GDAP1: variants seen among roughly 807,000 people sequenced by gnomAD.
GDAP1 encodes ganglioside induced differentiation associated protein 1, also known as ganglioside-induced differentiation-associated protein 1.
GDAP1 carries 34 observed loss-of-function variants against 40.1 expected under a neutral mutation model. The ratio of observed to expected loss-of-function variants is 0.85; its 90% confidence interval spans 0.64 to 1.13. The LOEUF is 1.13. Among genes scored for constraint, GDAP1 ranks in the 50% most tolerant of loss-of-function variants. GDAP1 has a pLI of 0.00. For synonymous variants in GDAP1, 170 were observed against 157.4 expected (o/e 1.08, Z -0.60); for missense variants, 374 against 433.7 (o/e 0.86, Z 1.22).
intron 2 of GDAP1, among the ~76,000 whole-genome samples, chr8:74,392,847 G>A (rs1023172820): frequency 6.6e-6 from 1 of 152,180 alleles, no homozygotes; most frequent in African/African-American, 2.4e-5. Context: ...AGGACAGAAG[G>A]AGCCGTGTAT....
At chr8:74,483,701 GTAT>G (rs1806741298) in intron 2 of GDAP1, among the ~76,000 whole-genome samples, 1 of 152,096 alleles carries the variant, frequency 6.6e-6, no homozygotes, top group South Asian at 2.1e-4. Flanking sequence ...TCTTGAAATG[GTAT>G]TATATATTGG....
chr8:74,431,998 G>A (rs1162319269), intron 2 of GDAP1, among the ~76,000 whole-genome samples: 2 of 152,158 alleles, frequency 1.3e-5, no homozygotes, highest in Admixed American at 1.3e-4. Context: ...AGTATTTGGA[G>A]CACATTTTGT....
chr8:74,446,903 G>C (rs1806236463), intron 2 of GDAP1, among the ~76,000 whole-genome samples: 1 of 152,144 alleles, frequency 6.6e-6, no homozygotes, highest in Admixed American at 6.6e-5. Context: ...AAGGGGCTGG[G>C]GGAGGAGAGA....
chr8:74,439,702 A>G (rs984285866), intron 2 of GDAP1, among the ~76,000 whole-genome samples: 1 of 151,824 alleles, frequency 6.6e-6, no homozygotes, highest in African/African-American at 2.4e-5. Context: ...TTTATTAATT[A>G]TGAAAAATTC....
At chr8:74,398,730 C>A (rs1334499831) in intron 2 of GDAP1, among the ~76,000 whole-genome samples, 2 of 151,950 alleles carry the variant, frequency 1.3e-5, no homozygotes, top group Non-Finnish European at 2.9e-5. Flanking sequence ...CCCATCAATA[C>A]CTAATTTATT....
At chr8:74,411,862 A>G (rs1236596704) in intron 2 of GDAP1, among the ~76,000 whole-genome samples, 1 of 149,554 alleles carries the variant, frequency 6.7e-6, no homozygotes. Context: ...AGTCTGAGCA[A>G]TGGAGCAAGA....
intron 2 of GDAP1, among the ~76,000 whole-genome samples, chr8:74,426,531 A>C (rs1328054238): frequency 1.3e-5 from 2 of 152,236 alleles, no homozygotes; most frequent in Non-Finnish European, 2.9e-5. Flanking sequence ...TTATAGCTAG[A>C]AATGTAACAT....
intron 2 of GDAP1, among the ~76,000 whole-genome samples, chr8:74,352,052 A>C (rs1288211734): frequency 6.6e-6 from 1 of 152,218 alleles, no homozygotes; most frequent in Non-Finnish European, 1.5e-5. Flanking sequence ...ATGTCTTCAA[A>C]AGTATCTGTC....
intron 2 of GDAP1, among the ~76,000 whole-genome samples, chr8:74,419,971 T>C (rs930748013): frequency 4.6e-5 from 7 of 152,196 alleles, no homozygotes; most frequent in African/African-American, 1.4e-4. Flanking sequence ...GCCATACATA[T>C]ATGGATTTAT....
intron 2 of GDAP1, among the ~76,000 whole-genome samples, chr8:74,446,217 T>C (rs1806224779): frequency 6.6e-6 from 1 of 152,200 alleles, no homozygotes. Context: ...AATTCCTTTT[T>C]CCTTCATACT....
chr8:74,449,737 A>C (rs749585219), intron 2 of GDAP1, among the ~76,000 whole-genome samples: 3 of 151,818 alleles, frequency 2.0e-5, no homozygotes, highest in Non-Finnish European at 4.4e-5. Flanking sequence ...TCTGTGAATA[A>C]GGGCAGTTTT....
At chr8:74,415,536 CTG>C (rs973852590) in intron 2 of GDAP1, among the ~76,000 whole-genome samples, 2 of 150,214 alleles carry the variant, frequency 1.3e-5, no homozygotes, top group African/African-American at 5.1e-5. Flanking sequence ...AGGCAGAAAA[CTG>C]TAAGTCCACA....
At position 74,486,602 on chromosome 8, in the gene GDAP1, G is replaced by A. The variant is rs1287506730; in HGVS notation, c.166-2076G>A. On this transcript the variant is annotated intron_variant, in intron 2 of 2. Coordinates refer to the GDAP1 transcript ENST00000523640. ...GAAAAGAGAACGTACTGTTCTTCTT[G>A]AGGCTGAAGCACTGTTGGGAGTTAT... Among the ~76,000 whole-genome samples, 3 of 152,308 alleles carry A rather than the reference G, an allele frequency of 2.0e-5. No individual in the cohort carries two copies. In the East Asian group the frequency reaches 5.8e-4, roughly 29 times the overall value.
chr8:74,400,225 TG>T lies in GDAP1; in HGVS notation c.165+48907del, dbSNP rs1211623438. The stretch of plus-strand genomic sequence containing the variant: ...TCACTCAGGACTTGCTTTATGAATC[TG>T]GGTGCTCCTGTGTTGGGTACATATA... On this transcript the variant is annotated intron_variant, in intron 2 of 2. Coordinates refer to the GDAP1 transcript ENST00000523640. Among the ~76,000 whole-genome samples, 3 of 150,010 alleles carry T rather than the reference TG, an allele frequency of 2.0e-5. No individual in the cohort carries two copies. In the East Asian group the frequency reaches 5.8e-4, roughly 29 times the overall value.
chr8:74,445,963 A>G (rs1806221620), intron 2 of GDAP1, among the ~76,000 whole-genome samples: 2 of 152,176 alleles, frequency 1.3e-5, no homozygotes, highest in Non-Finnish European at 2.9e-5. Flanking sequence ...AAGATTTTTA[A>G]AGGGATTTTC....
intron 2 of GDAP1, among the ~76,000 whole-genome samples, chr8:74,447,661 A>G (rs1035601779): frequency 2.6e-5 from 4 of 152,158 alleles, no homozygotes; most frequent in Non-Finnish European, 5.9e-5. Context: ...ACAAAGGGTA[A>G]TAAAATGGGC....
intron 2 of GDAP1, among the ~76,000 whole-genome samples, chr8:74,484,340 T>C (rs190845658): frequency 6.6e-6 from 1 of 152,306 alleles, no homozygotes; most frequent in Non-Finnish European, 1.5e-5. Flanking sequence ...AAGTTGCTCT[T>C]TAAATGACTG....
intron 2 of GDAP1, among the ~76,000 whole-genome samples, chr8:74,456,112 G>A (rs1806333525): frequency 6.6e-6 from 1 of 151,772 alleles, no homozygotes; most frequent in Non-Finnish European, 1.5e-5. Flanking sequence ...CTATACCTCA[G>A]TGACAATTTT....
At chr8:74,387,920 G>A (rs1313774860) in intron 2 of GDAP1, among the ~76,000 whole-genome samples, 1 of 151,900 alleles carries the variant, frequency 6.6e-6, no homozygotes, top group African/African-American at 2.4e-5. Context: ...GAGGGTGTAT[G>A]TGTCAAGGAA....
Sources: allele counts gnomAD v4.1 joint callset (sites outside exome capture counted in the v4.1 genomes callset), GRCh38; gene constraint gnomAD v4.1.1; transcripts MANE v1.5; gene names NCBI Gene and HGNC (gene_info 2026-07-23, HGNC 2026-07-21).